SIDT2: variants seen among roughly 807,000 people sequenced by gnomAD.
SIDT2 encodes the protein SID1 transmembrane family, member 2.
SIDT2 carries 68 observed loss-of-function variants against 114.4 expected under a neutral mutation model. The observed-to-expected ratio is 0.59, with a 90% confidence interval of 0.49 to 0.73. The LOEUF (loss-of-function observed/expected upper bound fraction) is 0.73. Ranked by LOEUF, SIDT2 falls within the 30% of genes least tolerant of loss-of-function variation. SIDT2 has a pLI of 0.00. For missense variants in SIDT2, 918 were observed against 1,097.1 expected, an observed-to-expected ratio of 0.84 and a Z score of 2.31; for synonymous variants, 470 against 438.4, an observed-to-expected ratio of 1.07 and a Z score of -0.90.
At chr11:117,195,538 C>T (rs1339460310) in intron 24 of SIDT2, among the ~76,000 whole-genome samples, 4 of 151,846 alleles carry the variant, frequency 2.6e-5, no homozygotes, top group African/African-American at 9.7e-5. Context: ...GCTCTTAGGT[C>T]AAGGGAAGAG....
chr11:117,187,512 C>A (rs2030543244), intron 11 of SIDT2, 63 bp downstream of exon 11: 1 of 1,600,490 alleles, frequency 6.2e-7, no homozygotes, highest in East Asian at 2.2e-5. Flanking sequence ...AGGCCACCAC[C>A]TCCGAGGCGG....
In SIDT2 at chr11:117,192,503, C is replaced by T. The variant is rs1002728407; in HGVS notation, c.1982-71C>T. 2.9e-5 allele frequency: 45 copies of T among 1,568,740 alleles called. No individual in the cohort carries two copies. The highest frequency in any genetic ancestry group is 3.9e-5 in the Non-Finnish European group (45 of 1,150,206). On this transcript the variant is annotated intron_variant, in intron 20 of 25. Coordinates refer to ENST00000324225, the MANE Select transcript of SIDT2 (RefSeq NM_001040455.2). This position sits in a 1 kb window ranked among gnomAD's most constrained non-coding sequence, Gnocchi z 5.9. ...ATTAGATCAGGCCTGGGCTCCTCAG[C>T]TGGCACATCCCAGGGGTCCAGCAAA...
chr11:117,195,946 G>C, intron 25 of SIDT2, 31 bp downstream of exon 25: 4 of 1,614,228 alleles, frequency 2.5e-6, no homozygotes, highest in Non-Finnish European at 3.4e-6. Context: ...AGCCGGGTGG[G>C]TACGTGAAGG....
chr11:117,188,704 C>A lies in SIDT2; in HGVS notation c.1160-4C>A. The A allele has an allele frequency of 1.2e-6, 2 of 1,612,824 alleles. No homozygotes were observed. The highest frequency in any genetic ancestry group is 1.7e-6 in the Non-Finnish European group (2 of 1,178,780). The stretch of plus-strand genomic sequence containing the variant: ...TGCAACCCCTCCCTCCCTGCCCTTT[C>A]CAGGCCGCTCCTTTGAACCTGTAGG... On this transcript the variant is annotated splice_polypyrimidine_tract_variant and splice_region_variant and intron_variant, in intron 12 of 25. Transcript: ENST00000324225. The surrounding 1 kb of genome is among the most constrained non-coding windows in gnomAD (Gnocchi z 4.0).
chr11:117,190,140 A>C lies in SIDT2; in HGVS notation c.1494-26A>C. ...AGAGGCCTGGGTGTGAGTCCCAAGC[A>C]GTCTGCCTTGTGTTGCCCCTTCTAG... On this transcript the variant is annotated intron_variant, in intron 16 of 25. Coordinates refer to ENST00000324225, the MANE Select transcript of SIDT2 (RefSeq NM_001040455.2). The surrounding 1 kb of genome is among the most constrained non-coding windows in gnomAD (Gnocchi z 4.1). The C allele has an allele frequency of 6.2e-7, 1 of 1,602,396 alleles. No homozygotes were observed. Among genetic ancestry groups the C allele is most frequent in the Non-Finnish European group, 8.5e-7 (1 of 1,173,244 alleles).
Position 117,187,421 on chromosome 11 carries a change from T to G in SIDT2, c.1059T>G (p.Pro353=). ...CTGATTCTTTTCCTGGCAGTTCCCC[T>G]TATGAGGGTTACAACTATGGCTCCT... ...VLADSFPGSS[P]YEGYNYGSFE... The change falls in exon 11 of 26, where the codon CCT becomes CCG. Residue 353 remains proline (P), a synonymous_variant. Coordinates refer to ENST00000324225, the MANE Select transcript of SIDT2 (RefSeq NM_001040455.2). 1 of 1,614,102 alleles carries G rather than the reference T, an allele frequency of 6.2e-7. No individual in the cohort carries two copies. Among genetic ancestry groups the G allele is most frequent in the Non-Finnish European group, 8.5e-7 (1 of 1,179,994 alleles).
Position 117,195,998 on chromosome 11 carries a change from C to T in SIDT2, c.2437-6C>T, listed in dbSNP as rs770679931. 3.1e-6 allele frequency: 5 copies of T among 1,614,130 alleles called. No individual in the cohort carries two copies. The highest frequency in any genetic ancestry group is 2.2e-5 in the South Asian group (2 of 91,092). On this transcript the variant is annotated splice_polypyrimidine_tract_variant and splice_region_variant and intron_variant, in intron 25 of 25. Coordinates refer to ENST00000324225, the MANE Select transcript of SIDT2 (RefSeq NM_001040455.2). ...CTCTGTGGCTGATCTGGCGTCCACA[C>T]CCCAGGTGTTGCTGACACTGGATGA...
rs1366204464 is a variant in SIDT2 at position 117,189,341 on chromosome 11, T to G, written c.1359T>G (p.Ile453Met). 6.2e-7 allele frequency: 1 copy of G among 1,614,176 alleles called. No homozygotes were observed. The highest frequency in any genetic ancestry group is 8.5e-7 in the Non-Finnish European group (1 of 1,180,016). The change falls in exon 15 of 26, where the codon ATT becomes ATG. Residue 453 changes from isoleucine (I) to methionine (M), a missense_variant. Around this residue, in one of 4 missense-constraint regions of SIDT2, gnomAD observed 553 missense variants for 600.1 expected, o/e 0.92. Transcript: ENST00000324225. ...CCGCCCTCCTGCTCCGCAGGAACAT[T>G]GCCACCATTGCTGTCTTCTATGCCC... ...RKKYQIYFWN[I>M]ATIAVFYALP...
Position 117,192,941 on chromosome 11 carries a change from G to A in SIDT2, c.2105+75G>A, listed in dbSNP as rs943538545. 3 of 1,580,786 alleles carry A rather than the reference G, an allele frequency of 1.9e-6. No individual in the cohort carries two copies. The highest frequency in any genetic ancestry group is 2.2e-5 in the East Asian group (1 of 44,694). ...CGGTCAGCCACTGGCTGCCTTGGGG[G>A]CTAAGGACAACTTCCAAATGTTGGG... On this transcript the variant is annotated intron_variant, in intron 22 of 25. Transcript: ENST00000324225. The surrounding 1 kb of genome is among the most constrained non-coding windows in gnomAD (Gnocchi z 5.9).
chr11:117,193,098 A>G, intron 22 of SIDT2, 55 bp from the exon 23 acceptor site: 1 of 1,539,556 alleles, frequency 6.5e-7, no homozygotes, highest in Non-Finnish European at 9.0e-7. Flanking sequence ...GGGCAGGAAG[A>G]GCACTTCCTT....
chr11:117,186,003 C>G, intron 8 of SIDT2, 127 bp from the exon 9 acceptor site: 2 of 713,400 alleles, frequency 2.8e-6, no homozygotes. Flanking sequence ...CTAGGCAGGG[C>G]CTTACATTTG....
rs543188499 is a variant in SIDT2 at position 117,191,824 on chromosome 11, C to T, written c.1736-54C>T. The T allele has an allele frequency of 4.8e-5, 76 of 1,597,432 alleles. 1 individual carries two copies. In the East Asian group the frequency reaches 1.6e-3, roughly 34 times the overall value. ...TGGGATTGTTGGGGCCAGGAGTTCT[C>T]TGCTGGGGCTTGGTGGCCATTTCTG... is the stretch of plus-strand genomic sequence containing the variant. On this transcript the variant is annotated intron_variant, in intron 18 of 25. Coordinates refer to ENST00000324225, the MANE Select transcript of SIDT2 (RefSeq NM_001040455.2).
chr11:117,187,077 G>A (rs2030524354), intron 10 of SIDT2: 1 of 1,462,502 alleles, frequency 6.8e-7, no homozygotes, highest in Admixed American at 2.1e-5. Context: ...GGGCTGTCTG[G>A]AGGGCTCGTG....
chr11:117,186,263 T>G, intron 9 of SIDT2, 40 bp downstream of exon 9: 1 of 1,586,100 alleles, frequency 6.3e-7, no homozygotes, highest in Non-Finnish European at 8.7e-7. Flanking sequence ...TCTGGGTGGT[T>G]TGGGCAGGTG....
chr11:117,185,929 T>G, intron 8 of SIDT2: 1 of 422,380 alleles, frequency 2.4e-6, no homozygotes, highest in Non-Finnish European at 4.2e-6. Flanking sequence ...GGGAGCAACA[T>G]GAGCAAAAAT....
Position 117,188,385 on chromosome 11 carries a change from T to C in SIDT2, c.1160-323T>C. ...CAGCATGACTTGCCGAGTTCAATCC[T>C]GTTGTTTGTGTCTGCTGCCTGGGGT... On this transcript the variant is annotated intron_variant, in intron 12 of 25. Coordinates refer to ENST00000324225, the MANE Select transcript of SIDT2 (RefSeq NM_001040455.2). This position sits in a 1 kb window ranked among gnomAD's most constrained non-coding sequence, Gnocchi z 4.0. 2.4e-6 allele frequency: 1 copy of C among 413,264 alleles called. No homozygotes were observed. The highest frequency in any genetic ancestry group is 4.5e-6 in the Non-Finnish European group (1 of 223,640). The allele number at this position is 413,264 out of a possible 1,614,324, so 25.6% of individuals were successfully genotyped here.
At chr11:117,189,617 G>T (rs529180518) in intron 15 of SIDT2, 76 of 612,836 alleles carry the variant, frequency 1.2e-4, no homozygotes, top group African/African-American at 1.1e-3. Context: ...CCGCACTAAA[G>T]ATAGCCCCTC....
chr11:117,185,211 G>A (rs574148415), intron 8 of SIDT2, among the ~76,000 whole-genome samples: 3 of 152,060 alleles, frequency 2.0e-5, no homozygotes, highest in Non-Finnish European at 4.4e-5. Flanking sequence ...CACCACGCCC[G>A]GCTAATTTTT....
intron 10 of SIDT2, 113 bp downstream of exon 10, chr11:117,186,749 T>G: frequency 1.0e-6 from 1 of 978,800 alleles, no homozygotes; most frequent in Non-Finnish European, 1.5e-6. Context: ...TTTCTGGATG[T>G]TCAGATGGGG....
Sources: gnomAD v4.1 joint callset for allele counts (sites outside exome capture counted in the v4.1 genomes callset) on GRCh38, gnomAD v4.1.1 for gene constraint, gnomAD v4.1.1 regional missense constraint, Gnocchi (gnomAD v3.1) non-coding constraint, MANE v1.5 for transcripts, NCBI Gene and HGNC (gene_info 2026-07-23, HGNC 2026-07-21) for gene names.